Variants in PAK1 observed in about 807,000 individuals in gnomAD.
PAK1 encodes the protein p21 (RAC1) activated kinase 1.
Under a neutral mutation model 67.4 loss-of-function variants are expected in PAK1, and 29 were observed. That is an observed-to-expected ratio of 0.43 (90% confidence interval 0.32 to 0.59). The LOEUF (loss-of-function observed/expected upper bound fraction) is 0.59, where lower values mean the gene tolerates loss of function less well. Ranked by LOEUF, PAK1 falls within the 20% of genes least tolerant of loss-of-function variation. The pLI, the probability that PAK1 is intolerant of heterozygous loss-of-function variation, is 0.07. For synonymous variants in PAK1, 223 were observed against 237.4 expected, an observed-to-expected ratio of 0.94 and a Z score of 0.56; for missense variants, 337 against 670.7, an observed-to-expected ratio of 0.50 and a Z score of 5.50.
At chr11:77,396,627 A>C (rs1408478013) in intron 1 of PAK1, among the ~76,000 whole-genome samples, 1 of 152,254 alleles carries the variant, frequency 6.6e-6, no homozygotes, top group Non-Finnish European at 1.5e-5. Context: ...TATTCAGAAA[A>C]GACCACTATC....
At chr11:77,399,277 A>G (rs145330474) in intron 1 of PAK1, among the ~76,000 whole-genome samples, 226 of 152,356 alleles carry the variant, frequency 1.5e-3, no homozygotes, top group African/African-American at 5.2e-3. Flanking sequence ...ATGCCAGGCC[A>G]ATTGTGAATA....
intron 5 of PAK1, among the ~76,000 whole-genome samples, chr11:77,371,497 C>T (rs1948419071): frequency 6.6e-6 from 1 of 152,158 alleles, no homozygotes; most frequent in Non-Finnish European, 1.5e-5. Flanking sequence ...TGAGTGAATA[C>T]ATGAATGCTC....
At chr11:77,422,259 A>G (rs562000748) in intron 1 of PAK1, among the ~76,000 whole-genome samples, 2 of 152,152 alleles carry the variant, frequency 1.3e-5, no homozygotes, top group Non-Finnish European at 2.9e-5. Context: ...TCTTAAAACC[A>G]TATTAAAAAG....
At chr11:77,478,957 C>T (rs1302242469), upstream of PAK1, among the ~76,000 whole-genome samples, 4 of 133,562 alleles carry the variant, frequency 3.0e-5, no homozygotes, top group South Asian at 2.5e-4. Context: ...TGGTGGCAGG[C>T]GCCTATAGTC....
chr11:77,508,913 G>A, the PAK1 span, among the ~76,000 whole-genome samples: 1 of 146,984 alleles, frequency 6.8e-6, no homozygotes, highest in African/African-American at 2.5e-5. Flanking sequence ...GCCCGCCTCG[G>A]CCTCCCAAAG....
At chr11:77,463,909 G>A (rs1381370869) in intron 1 of PAK1, among the ~76,000 whole-genome samples, 1 of 152,128 alleles carries the variant, frequency 6.6e-6, no homozygotes, top group Non-Finnish European at 1.5e-5. Flanking sequence ...TAGCCTTAAA[G>A]AAAAGCCACA....
chr11:77,432,753 TAAAAAGTTC>T (rs1300102549), intron 1 of PAK1, among the ~76,000 whole-genome samples: 1 of 151,528 alleles, frequency 6.6e-6, no homozygotes, highest in Non-Finnish European at 1.5e-5. Context: ...CTGTTGGAAT[TAAAAAGTTC>T]AACAAGGTTT....
chr11:77,399,728 G>A (rs942114447), intron 1 of PAK1, among the ~76,000 whole-genome samples: 9 of 149,024 alleles, frequency 6.0e-5, no homozygotes, highest in Admixed American at 4.7e-4. Flanking sequence ...GCGTAGTGGC[G>A]GGCGCCTGTA....
intron 8 of PAK1, 83 bp from the exon 9 acceptor site, chr11:77,349,370 A>G (rs1037125590): frequency 9.8e-7 from 1 of 1,016,914 alleles, no homozygotes; most frequent in African/African-American, 1.6e-5. Context: ...TTCTACACAC[A>G]ATCTGTGAGT....
upstream of PAK1, chr11:77,476,460 A>C (rs973782475): frequency 1.3e-5 from 2 of 152,186 alleles, no homozygotes; most frequent in African/African-American, 4.8e-5. Flanking sequence ...CCTGGGAACT[A>C]TGAATATGTT....
At chr11:77,411,353 C>G (rs1352194992) in intron 1 of PAK1, among the ~76,000 whole-genome samples, 1 of 151,874 alleles carries the variant, frequency 6.6e-6, no homozygotes, top group Non-Finnish European at 1.5e-5. Flanking sequence ...CTGAATAGGA[C>G]CAGTCCCCCC....
At chr11:77,345,185 T>C (rs915328693) in intron 9 of PAK1, among the ~76,000 whole-genome samples, 1 of 152,178 alleles carries the variant, frequency 6.6e-6, no homozygotes, top group Non-Finnish European at 1.5e-5. Context: ...TTTGTGTGTA[T>C]TGAGAGGTTT....
At chr11:77,346,319 T>C (rs911244140) in intron 9 of PAK1, among the ~76,000 whole-genome samples, 6 of 152,160 alleles carry the variant, frequency 3.9e-5, no homozygotes, top group Non-Finnish European at 5.9e-5. Context: ...CTAAGTGTCC[T>C]TCACCTAAGC....
At chr11:77,511,196 A>C in the PAK1 span, among the ~76,000 whole-genome samples, 1 of 152,204 alleles carries the variant, frequency 6.6e-6, no homozygotes, top group Non-Finnish European at 1.5e-5. Flanking sequence ...ACAGCTCTGC[A>C]CACAGGGAAG....
At chr11:77,458,623 G>C (rs1957181603) in intron 1 of PAK1, among the ~76,000 whole-genome samples, 1 of 152,088 alleles carries the variant, frequency 6.6e-6, no homozygotes, top group Non-Finnish European at 1.5e-5. Flanking sequence ...CCTACCATTA[G>C]AAAAGCACTT....
At chr11:77,480,523 T>G in the PAK1 span, among the ~76,000 whole-genome samples, 6 of 144,108 alleles carry the variant, frequency 4.2e-5, no homozygotes, top group Non-Finnish European at 7.7e-5. Flanking sequence ...CCACCATGGT[T>G]TTTTTTTTTT....
intron 1 of PAK1, among the ~76,000 whole-genome samples, chr11:77,404,507 T>A (rs763341857): frequency 2.0e-5 from 3 of 152,104 alleles, no homozygotes; most frequent in African/African-American, 4.8e-5. Flanking sequence ...CCTCAGGTGA[T>A]CCACCCACCT....
intron 13 of PAK1, 110 bp from the exon 14 acceptor site, chr11:77,332,977 G>T (rs1941969599): frequency 2.1e-6 from 2 of 965,846 alleles, no homozygotes; most frequent in Non-Finnish European, 3.2e-6. Context: ...AGGATGCAAA[G>T]TAGCAGCTGT....
At chr11:77,410,237 C>T (rs1954298866) in intron 1 of PAK1, among the ~76,000 whole-genome samples, 1 of 152,156 alleles carries the variant, frequency 6.6e-6, no homozygotes, top group Non-Finnish European at 1.5e-5. Context: ...CCCAGCACTA[C>T]TTGACATTCT....
Sources: allele counts gnomAD v4.1 joint callset (sites outside exome capture counted in the v4.1 genomes callset), GRCh38; gene constraint gnomAD v4.1.1; transcripts MANE v1.5; gene names NCBI Gene and HGNC (gene_info 2026-07-23, HGNC 2026-07-21).